The following ASB18 variants were observed in gnomAD, a reference collection of about 807,000 sequenced individuals.
ASB18 encodes ankyrin repeat and SOCS box containing 18.
ASB18 carries 33 observed loss-of-function variants against 33.4 expected under a neutral mutation model. The ratio of observed to expected loss-of-function variants is 0.99; its 90% CI spans 0.75 to 1.32. ASB18 has a LOEUF of 1.32. Among genes scored for constraint, ASB18 ranks in the 40% most tolerant of loss-of-function variants. The pLI, the probability that ASB18 is intolerant of heterozygous loss-of-function variation, is 0.00. For synonymous variants in ASB18, 295 were observed against 307.6 expected, an observed-to-expected ratio of 0.96 and a Z score of 0.43; for missense variants, 694 against 655.5, an observed-to-expected ratio of 1.06 and a Z score of -0.64.
intron 4 of ASB18, among the ~76,000 whole-genome samples, chr2:236,197,340 G>A (rs2060378907): frequency 6.6e-6 from 1 of 152,084 alleles, no homozygotes; most frequent in African/African-American, 2.4e-5. Flanking sequence ...TCCAGTTAGG[G>A]CCGATATAAT....
At position 236,195,046 on chromosome 2, in the gene ASB18, C is replaced by G. The variant is rs201896139; in HGVS notation, c.1227G>C (p.Pro409=). 1 of 1,610,164 alleles carries G rather than the reference C, an allele frequency of 6.2e-7. No individual in the cohort carries two copies. The highest frequency in any genetic ancestry group is 8.5e-7 in the Non-Finnish European group (1 of 1,177,710). ...IPEEVFQMHK[P]FYQSLFALAL... The stretch of plus-strand genomic sequence containing the variant: ...CCAAGGCAAAGAGGGACTGGTAGAA[C>G]GGCTTGTGCATCTGGAAGGGAAGGC... The change falls in exon 6 of 6, where the codon CCG becomes CCC. Residue 409 remains proline (P), a synonymous_variant. Coordinates refer to ENST00000409749, the MANE Select transcript of ASB18 (RefSeq NM_212556.4). This position sits in a 1 kb window ranked among gnomAD's most constrained non-coding sequence, Gnocchi z 5.5.
At chr2:236,198,635 G>A (rs879450223) in intron 4 of ASB18, among the ~76,000 whole-genome samples, 1 of 152,076 alleles carries the variant, frequency 6.6e-6, no homozygotes, top group Non-Finnish European at 1.5e-5. Context: ...CAAAGTGCTG[G>A]GATTACAGGC....
rs1408448181 is a variant in ASB18 at position 236,223,301 on chromosome 2, G to T, written c.597-8435C>A. Among the ~76,000 whole-genome samples, 1 of 152,062 alleles carries T rather than the reference G, an allele frequency of 6.6e-6. No homozygotes were observed. Among genetic ancestry groups the T allele is most frequent in the Non-Finnish European group, 1.5e-5 (1 of 68,016 alleles). ...CATTTGACTTTCTAGAAGCTTCATT[G>T]GTGTGCCTTCCTCAGTAAGGCATGC... On this transcript the variant is annotated intron_variant, in intron 3 of 5. Coordinates refer to ENST00000409749, the MANE Select transcript of ASB18 (RefSeq NM_212556.4). The surrounding 1 kb of genome is among the most constrained non-coding windows in gnomAD (Gnocchi z 4.6).
rs200398459 is a variant in ASB18 at position 236,260,492 on chromosome 2, A to AT, written c.205+3648_205+3649insA. Among the ~76,000 whole-genome samples the AT allele has an allele frequency of 0.043, 6,595 of 152,268 alleles. 233 individuals carry two copies. Among genetic ancestry groups the AT allele is most frequent in the African/African-American group, 0.1 (4,331 of 41,536 alleles). On this transcript the variant is annotated intron_variant, in intron 1 of 5. Coordinates refer to ENST00000409749, the MANE Select transcript of ASB18 (RefSeq NM_212556.4). This position sits in a 1 kb window ranked among gnomAD's most constrained non-coding sequence, Gnocchi z 5.1. The stretch of plus-strand genomic sequence containing the variant: ...AGACCCTACATGTAGCTTAGAATCC[A>AT]AACAGCTCTTTCTCCCATCAAGGAT...
In ASB18 at chr2:236,196,303, C is replaced by G; in HGVS notation, c.1184G>C (p.Trp395Ser). Residue 395 changes from tryptophan to serine, a missense_variant, in exon 5 of 6, where the codon TGG becomes TCG. Physicochemically the swap from Trp to Ser is radical, Grantham distance 177 (BLOSUM62 -3). Coordinates refer to ENST00000409749, the MANE Select transcript of ASB18 (RefSeq NM_212556.4). This position sits in a 1 kb window ranked among gnomAD's most constrained non-coding sequence, Gnocchi z 5.6. ...SYPQLCLSESWKEVIPEEVFQ... is the reference protein window; with the variant it reads ...SYPQLCLSESSKEVIPEEVFQ... The stretch of plus-strand genomic sequence containing the variant: ...TACTTCCTCAGGAATCACTTCCTTC[C>G]AGGACTCTGACAAGCAGAGCTGAGG... The G allele has an allele frequency of 6.4e-7, 1 of 1,560,728 alleles. No individual in the cohort carries two copies. The highest frequency in any genetic ancestry group is 1.2e-5 in the South Asian group (1 of 84,586).
Position 236,241,516 on chromosome 2 carries a change from T to G in ASB18, c.206-114A>C. ...TCCTCTCACTGGCCCTGGCTGTCTCTCCATTGAGATGCCGTCGATTTCAGA... is the reference window on the plus strand; with the variant it reads ...TCCTCTCACTGGCCCTGGCTGTCTCGCCATTGAGATGCCGTCGATTTCAGA... On this transcript the variant is annotated intron_variant, in intron 1 of 5. Transcript: ENST00000409749. This position sits in a 1 kb window ranked among gnomAD's most constrained non-coding sequence, Gnocchi z 4.2. The G allele has an allele frequency of 8.0e-7, 1 of 1,247,230 alleles. No individual in the cohort carries two copies. The highest frequency in any genetic ancestry group is 1.2e-6 in the Non-Finnish European group (1 of 868,748). The allele number at this position is 1,247,230 out of a possible 1,614,324, so 77.3% of individuals were successfully genotyped here. A position where few individuals can be genotyped will look rare whatever the true frequency, so the allele number is the denominator to read the frequency against.
At position 236,214,610 on chromosome 2, in the gene ASB18, C is replaced by A; in HGVS notation, c.853G>T (p.Glu285Ter). 2 of 1,213,754 alleles carry A rather than the reference C, an allele frequency of 1.6e-6. No individual in the cohort carries two copies. The highest frequency in any genetic ancestry group is 1.6e-5 in the African/African-American group (1 of 62,338). The allele number at this position is 1,213,754 out of a possible 1,614,324, so 75.2% of individuals were successfully genotyped here. ...TCGTCCTCGTCGCGCGCGTCCGCCT[C>A]CGCCCCGCGCCGCAGCAGCAGCGCG... ...LCALLLRRGA[E>*]ADARDEDERS... The change falls in exon 4 of 6, where the codon GAG becomes TAG. Residue 285 changes from glutamate (E) to a stop codon, truncating the protein, a stop_gained. Coordinates refer to ENST00000409749, the MANE Select transcript of ASB18 (RefSeq NM_212556.4). LOFTEE classifies it high-confidence loss of function. The surrounding 1 kb of genome is among the most constrained non-coding windows in gnomAD (Gnocchi z 6.5).
chr2:236,262,320 G>A lies in ASB18; in HGVS notation c.205+1821C>T, dbSNP rs918124892. Reference sequence around the variant, plus strand: ...CTCAGGGCATGCTGAAGGCAGGCCGGGTTACAGGGGCTACAGGAGACCACT... The same window carrying A: ...CTCAGGGCATGCTGAAGGCAGGCCGAGTTACAGGGGCTACAGGAGACCACT... On this transcript the variant is annotated intron_variant, in intron 1 of 5. Transcript: ENST00000409749. The surrounding 1 kb of genome is among the most constrained non-coding windows in gnomAD (Gnocchi z 5.2). 6.6e-6 allele frequency among the ~76,000 whole-genome samples: 1 copy of A among 152,202 alleles called. No individual in the cohort carries two copies. The highest frequency in any genetic ancestry group is 2.4e-5 in the African/African-American group (1 of 41,444).
rs1257807721 is a variant in ASB18 at position 236,255,808 on chromosome 2, C to T, written c.205+8333G>A. On this transcript the variant is annotated intron_variant, in intron 1 of 5. Coordinates refer to ENST00000409749, the MANE Select transcript of ASB18 (RefSeq NM_212556.4). The surrounding 1 kb of genome is among the most constrained non-coding windows in gnomAD (Gnocchi z 4.4). ...GGCTTCCTCTCTTCTCTGATTTACA[C>T]ACCCAAGTCCAAGTTGTGTCCCACT... Among the ~76,000 whole-genome samples, 1 of 152,140 alleles carries T rather than the reference C, an allele frequency of 6.6e-6. No individual in the cohort carries two copies. The highest frequency in any genetic ancestry group is 2.4e-5 in the African/African-American group (1 of 41,438).
rs1263213880 is a variant in ASB18, at chr2:236,260,022, T to C, written c.205+4119A>G. Among the ~76,000 whole-genome samples the C allele has an allele frequency of 6.6e-6, 1 of 152,238 alleles. No individual in the cohort carries two copies. The highest frequency in any genetic ancestry group is 2.4e-5 in the African/African-American group (1 of 41,468). Reference sequence around the variant, plus strand: ...GATGCATCAAAATAAATTCTGTTTCTTTCTGTTCTATTTGGTGGGAGTAGT... The same window carrying C: ...GATGCATCAAAATAAATTCTGTTTCCTTCTGTTCTATTTGGTGGGAGTAGT... On this transcript the variant is annotated intron_variant, in intron 1 of 5. Coordinates refer to ENST00000409749, the MANE Select transcript of ASB18 (RefSeq NM_212556.4). This position sits in a 1 kb window ranked among gnomAD's most constrained non-coding sequence, Gnocchi z 5.1.
chr2:236,241,239 C>T lies in ASB18; in HGVS notation c.328+41G>A, dbSNP rs573433885. 1.6e-5 allele frequency: 25 copies of T among 1,605,984 alleles called. No homozygotes were observed. The South Asian group carries it at 2.5e-4, about 16-fold the overall frequency. On this transcript the variant is annotated intron_variant, in intron 2 of 5. Transcript: ENST00000409749. The surrounding 1 kb of genome is among the most constrained non-coding windows in gnomAD (Gnocchi z 4.2). The stretch of plus-strand genomic sequence containing the variant: ...TACACTCCCAGAGAGTATTAGTAGC[C>T]CCTTAAAAATAAATGACTGAGCTTT...
chr2:236,251,829 A>G lies in ASB18; in HGVS notation c.206-10427T>C. ...TTTTGCCTATTGTGAAAGATTTTTT[A>G]AAAGTCAAGTTTTTGAAGAGTTCAG... On this transcript the variant is annotated intron_variant, in intron 1 of 5. Coordinates refer to ENST00000409749, the MANE Select transcript of ASB18 (RefSeq NM_212556.4). This position sits in a 1 kb window ranked among gnomAD's most constrained non-coding sequence, Gnocchi z 5.3. Among the ~76,000 whole-genome samples, 1 of 152,264 alleles carries G rather than the reference A, an allele frequency of 6.6e-6. No individual in the cohort carries two copies. Among genetic ancestry groups the G allele is most frequent in the Non-Finnish European group, 1.5e-5 (1 of 68,042 alleles).
At chr2:236,246,203 A>G in intron 1 of ASB18, among the ~76,000 whole-genome samples, 1 of 151,982 alleles carries the variant, frequency 6.6e-6, no homozygotes, top group East Asian at 1.9e-4. Context: ...AAATATAAAA[A>G]TTAGCCTGGT....
rs2060428271 is a variant in ASB18, at chr2:236,205,458, A to G, written c.1101+8904T>C. ...CACTGACCCTAACTGCCTGACTTAA[A>G]ATTGCAACTGCCTTCCACCCTTTTA... On this transcript the variant is annotated intron_variant, in intron 4 of 5. Coordinates refer to ENST00000409749, the MANE Select transcript of ASB18 (RefSeq NM_212556.4). The surrounding 1 kb of genome is among the most constrained non-coding windows in gnomAD (Gnocchi z 5.4). 6.6e-6 allele frequency among the ~76,000 whole-genome samples: 1 copy of G among 152,202 alleles called. No homozygotes were observed. The highest frequency in any genetic ancestry group is 1.5e-5 in the Non-Finnish European group (1 of 68,034).
At position 236,239,489 on chromosome 2, in the gene ASB18, G is replaced by C. The variant is rs953078098; in HGVS notation, c.329-1533C>G. On this transcript the variant is annotated intron_variant, in intron 2 of 5. Coordinates refer to ENST00000409749, the MANE Select transcript of ASB18 (RefSeq NM_212556.4). This position sits in a 1 kb window ranked among gnomAD's most constrained non-coding sequence, Gnocchi z 5.6. ...TGGTCCCAGTTCTGCCACCAGGAGG[G>C]ACGTGAATTAAGGCTCAGGAAGCCG... Among the ~76,000 whole-genome samples the C allele has an allele frequency of 3.8e-5, 4 of 104,994 alleles. No homozygotes were observed. The highest frequency in any genetic ancestry group is 3.8e-4 in the Admixed American group (4 of 10,614). The allele number at this position is 104,994 out of a possible 152,430, so 68.9% of individuals were successfully genotyped here.
Position 236,205,211 on chromosome 2 carries a change from C to T in ASB18, c.1102-8826G>A, listed in dbSNP as rs1201343916. On this transcript the variant is annotated intron_variant, in intron 4 of 5. Coordinates refer to ENST00000409749, the MANE Select transcript of ASB18 (RefSeq NM_212556.4). This position sits in a 1 kb window ranked among gnomAD's most constrained non-coding sequence, Gnocchi z 5.4. ...AGTCATTACAATGTCCTGTAAGACC[C>T]CACACAACCTGTGCCCTCTCCCTTA... Among the ~76,000 whole-genome samples the T allele has an allele frequency of 6.6e-6, 1 of 152,194 alleles. No homozygotes were observed. Among genetic ancestry groups the T allele is most frequent in the Middle Eastern group, 3.2e-3 (1 of 316 alleles).
Position 236,195,194 on chromosome 2 carries a change from G to A in ASB18, c.1216-137C>T, listed in dbSNP as rs1244583576. The A allele has an allele frequency of 1.0e-5, 8 of 767,778 alleles. No individual in the cohort carries two copies. In the East Asian group the frequency reaches 1.4e-4, roughly 13 times the overall value. 47.6% of individuals were successfully genotyped at this position (767,778 alleles called of 1,614,324 possible). On this transcript the variant is annotated intron_variant, in intron 5 of 5. Coordinates refer to ENST00000409749, the MANE Select transcript of ASB18 (RefSeq NM_212556.4). The surrounding 1 kb of genome is among the most constrained non-coding windows in gnomAD (Gnocchi z 5.5). Reference sequence around the variant, plus strand: ...CCAGATAAGCGCACTGGAGGGAGACGCACCATCTTGTGGGAACCACCCTCT... The same window carrying A: ...CCAGATAAGCGCACTGGAGGGAGACACACCATCTTGTGGGAACCACCCTCT...
chr2:236,243,104 G>A (rs1160935772), intron 1 of ASB18, among the ~76,000 whole-genome samples: 2 of 150,850 alleles, frequency 1.3e-5, no homozygotes, highest in African/African-American at 4.9e-5. Flanking sequence ...GCCGAGGCGG[G>A]TGGATCACGA....
rs1386061200 is a variant in ASB18, at chr2:236,248,849, G to C, written c.206-7447C>G. 2 of 152,208 alleles carry C rather than the reference G, an allele frequency of 1.3e-5. No homozygotes were observed. The highest frequency in any genetic ancestry group is 2.9e-5 in the Non-Finnish European group (2 of 68,038). 9.4% of individuals were successfully genotyped at this position (152,208 alleles called of 1,614,324 possible). ...TTCCAAAAGGTCTCCACAGGTCAGA[G>C]CAACAGGCCGATTCAATCAATGCCA... On this transcript the variant is annotated intron_variant, in intron 1 of 5. Coordinates refer to ENST00000409749, the MANE Select transcript of ASB18 (RefSeq NM_212556.4). The surrounding 1 kb of genome is among the most constrained non-coding windows in gnomAD (Gnocchi z 4.9).
Sources: gnomAD v4.1 joint callset for allele counts (sites outside exome capture counted in the v4.1 genomes callset) on GRCh38, gnomAD v4.1.1 for gene constraint, Gnocchi (gnomAD v3.1) non-coding constraint, MANE v1.5 for transcripts, NCBI Gene and HGNC (gene_info 2026-07-23, HGNC 2026-07-21) for gene names.